RUSC1: variants seen among roughly 807,000 people sequenced by gnomAD.
RUSC1 encodes the protein AP-4 complex accessory subunit RUSC1.
RUSC1 carries 40 observed loss-of-function variants against 72.1 expected under a neutral mutation model. The observed-to-expected ratio is 0.55, with a 90% CI of 0.43 to 0.72. RUSC1 has a LOEUF of 0.72. RUSC1 is among the 30% of genes least tolerant of loss of function. The probability of loss-of-function intolerance (pLI) is 0.00; values close to 1 mark genes in which losing one functional copy is unlikely to be tolerated. For missense variants in RUSC1, 1,092 were observed against 1,172.3 expected (o/e 0.93, Z 1.00); for synonymous variants, 512 against 494.2 (o/e 1.04, Z -0.48).
At chr1:155,329,953 G>GAAAAAAA (rs1025418792) in intron 9 of RUSC1, among the ~76,000 whole-genome samples, 1 of 45,980 alleles carries the variant, frequency 2.2e-5, no homozygotes, top group South Asian at 8.4e-4. Context: ...TCTGTCTCAA[G>GAAAAAAA]AAAAAAAAAA....
chr1:155,325,875 T>G lies in RUSC1; in HGVS notation c.1826T>G (p.Leu609Trp). ...FILGLLNTKQ[L>W]ELWFSSLQED... ...CTTTTCTCCCCTAGCACCAAGCAGT[T>G]GGAGCTGTGGTTTTCCAGTCTCCAG... Residue 609 changes from leucine to tryptophan, a missense_variant, in exon 7 of 10, where the codon TTG becomes TGG. Leu to Trp is a moderately conservative substitution (Grantham distance 61). Transcript: ENST00000368352. This position sits in a 1 kb window ranked among gnomAD's most constrained non-coding sequence, Gnocchi z 6.5. The G allele has an allele frequency of 6.2e-7, 1 of 1,614,136 alleles. No individual in the cohort carries two copies. Among genetic ancestry groups the G allele is most frequent in the African/African-American group, 1.3e-5 (1 of 75,038 alleles).
intron 2 of RUSC1, chr1:155,324,441 G>T: frequency 6.2e-7 from 1 of 1,612,918 alleles, no homozygotes; most frequent in Non-Finnish European, 8.5e-7. Context: ...GCTCCCCGGG[G>T]CTCCGCAGGC....
chr1:155,321,495 G>T, intron 1 of RUSC1, 193 bp from the exon 2 acceptor site: 1 of 1,486,054 alleles, frequency 6.7e-7, no homozygotes, highest in East Asian at 2.8e-5. Flanking sequence ...CCATTCCCGG[G>T]GGGTTACATT....
At position 155,324,466 on chromosome 1, in the gene RUSC1, G is replaced by T; in HGVS notation, c.1358-379G>T. 1.9e-6 allele frequency: 3 copies of T among 1,611,730 alleles called. No individual in the cohort carries two copies. The South Asian group carries it at 3.3e-5, about 18-fold the overall frequency. On this transcript the variant is annotated intron_variant, in intron 2 of 9. Coordinates refer to ENST00000368352, the MANE Select transcript of RUSC1 (RefSeq NM_001105203.2). ...GCTCCGCAGGCAGGACTGGGCCCCG[G>T]GGCGGTGCGCTGGGCTACACCTCCC... is the stretch of plus-strand genomic sequence containing the variant.
chr1:155,325,057 T>G lies in RUSC1; in HGVS notation c.1457-45T>G. ...TCCACGCCCCTCGGGCAAGCCTGGG[T>G]AGGGGCGCGGCCTCCTAGCGTCTTC... is the stretch of plus-strand genomic sequence containing the variant. On this transcript the variant is annotated intron_variant, in intron 3 of 9. Transcript: ENST00000368352. The surrounding 1 kb of genome is among the most constrained non-coding windows in gnomAD (Gnocchi z 6.5). 1 of 1,613,922 alleles carries G rather than the reference T, an allele frequency of 6.2e-7. No homozygotes were observed. The highest frequency in any genetic ancestry group is 8.5e-7 in the Non-Finnish European group (1 of 1,179,932).
rs2148266282 is a variant in RUSC1, at chr1:155,323,086, A to G, written c.1313A>G (p.Glu438Gly). Reference protein sequence around the residue: ...GRAVSPAAGEEAPAAKEPGAQ... With the variant: ...GRAVSPAAGEGAPAAKEPGAQ... The stretch of plus-strand genomic sequence containing the variant: ...GCTGTCAGCCCAGCGGCTGGCGAGG[A>G]GGCCCCAGCCGCGAAGGAGCCGGGC... The change falls in exon 2 of 10, where the codon GAG (glutamate) becomes GGG (glycine). Residue 438 changes from glutamate (E) to glycine (G), a missense_variant. Coordinates refer to ENST00000368352, the MANE Select transcript of RUSC1 (RefSeq NM_001105203.2). The G allele has an allele frequency of 7.0e-7, 1 of 1,426,492 alleles. No homozygotes were observed. Among genetic ancestry groups the G allele is most frequent in the Non-Finnish European group, 9.1e-7 (1 of 1,094,388 alleles). The allele number at this position is 1,426,492 out of a possible 1,614,324, so 88.4% of individuals were successfully genotyped here.
rs771022265 is a variant in RUSC1 at position 155,321,019 on chromosome 1, G to A, written c.-87+28G>A. On this transcript the variant is annotated intron_variant, in intron 1 of 9. Coordinates refer to ENST00000368352, the MANE Select transcript of RUSC1 (RefSeq NM_001105203.2). The stretch of plus-strand genomic sequence containing the variant: ...GAGGAGGGCTCGGCCCATGGGTGTA[G>A]ACCGATGGACCTGGGCACGAGGGGC... 7 of 1,495,552 alleles carry A rather than the reference G, an allele frequency of 4.7e-6. No homozygotes were observed. The African/African-American group carries it at 6.9e-5, about 15-fold the overall frequency. 92.6% of individuals were successfully genotyped at this position (1,495,552 alleles called of 1,614,324 possible).
At position 155,325,243 on chromosome 1, in the gene RUSC1, G is replaced by C; in HGVS notation, c.1533+65G>C. On this transcript the variant is annotated intron_variant, in intron 4 of 9. Coordinates refer to ENST00000368352, the MANE Select transcript of RUSC1 (RefSeq NM_001105203.2). This position sits in a 1 kb window ranked among gnomAD's most constrained non-coding sequence, Gnocchi z 6.5. ...TAATGGAGCTCCGCGGGGGGTGCGG[G>C]AATGGTTGGCGGGAGGTGGCTGGGA... The C allele has an allele frequency of 6.2e-7, 1 of 1,612,064 alleles. No homozygotes were observed. Among genetic ancestry groups the C allele is most frequent in the Non-Finnish European group, 8.5e-7 (1 of 1,179,900 alleles).
intron 1 of RUSC1, 23 bp downstream of exon 1, chr1:155,321,014 G>A (rs749412035): frequency 6.7e-7 from 1 of 1,502,378 alleles, no homozygotes; most frequent in South Asian, 1.1e-5. Flanking sequence ...CGGCCCATGG[G>A]TGTAGACCGA....
At position 155,325,204 on chromosome 1, in the gene RUSC1, T is replaced by G. The variant is rs1400497962; in HGVS notation, c.1533+26T>G. ...GTGAAGGTGGCTGGGGGGAGGCTGT[T>G]GGGATGAGGAGAGTAATGGAGCTCC... On this transcript the variant is annotated intron_variant, in intron 4 of 9. Coordinates refer to ENST00000368352, the MANE Select transcript of RUSC1 (RefSeq NM_001105203.2). This position sits in a 1 kb window ranked among gnomAD's most constrained non-coding sequence, Gnocchi z 6.5. The G allele has an allele frequency of 4.3e-6, 7 of 1,613,794 alleles. No individual in the cohort carries two copies. Among genetic ancestry groups the G allele is most frequent in the Non-Finnish European group, 5.9e-6 (7 of 1,179,976 alleles).
At position 155,324,178 on chromosome 1, in the gene RUSC1, GC is replaced by G; in HGVS notation, c.1358-661del. 9.4e-6 allele frequency: 13 copies of G among 1,386,802 alleles called. No individual in the cohort carries two copies. In the South Asian group the frequency reaches 1.1e-4, roughly 11 times the overall value. 85.9% of individuals were successfully genotyped at this position (1,386,802 alleles called of 1,614,324 possible). A position where few individuals can be genotyped will look rare whatever the true frequency, so the allele number is the denominator to read the frequency against. ...TCCTTGGCCTGTGCAGCTCGGGCCT[GC>G]CCCCCGACCTTGCTAGGGAGGGGTG... On this transcript the variant is annotated intron_variant, in intron 2 of 9. Transcript: ENST00000368352.
Position 155,325,629 on chromosome 1 carries a change from A to C in RUSC1, c.1771A>C (p.Ser591Arg). The C allele has an allele frequency of 6.2e-7, 1 of 1,613,344 alleles. No homozygotes were observed. The highest frequency in any genetic ancestry group is 8.5e-7 in the Non-Finnish European group (1 of 1,179,968). Reference sequence around the variant, plus strand: ...GGTCAGCCGTCTAGCCCCGCTGAGCAGCAGCCGTAGCCGCTTCCATGCCTT... The same window carrying C: ...GGTCAGCCGTCTAGCCCCGCTGAGCCGCAGCCGTAGCCGCTTCCATGCCTT... ...SQVSRLAPLS[S>R]SRSRFHAFIL... is the part of the protein sequence containing the mutation. Residue 591 changes from serine (S) to arginine (R), a missense_variant, in exon 6 of 10, where the codon AGC becomes CGC. By Grantham distance (110) the Ser-to-Arg change is moderately radical. Coordinates refer to ENST00000368352, the MANE Select transcript of RUSC1 (RefSeq NM_001105203.2). The surrounding 1 kb of genome is among the most constrained non-coding windows in gnomAD (Gnocchi z 6.5).
chr1:155,324,889 C>G lies in RUSC1; in HGVS notation c.1402C>G (p.Leu468Val). 1 of 1,614,214 alleles carries G rather than the reference C, an allele frequency of 6.2e-7. No homozygotes were observed. Among genetic ancestry groups the G allele is most frequent in the Non-Finnish European group, 8.5e-7 (1 of 1,180,028 alleles). The change falls in exon 3 of 10, where the codon CTG becomes GTG. Residue 468 changes from leucine (L) to valine (V), a missense_variant. Transcript: ENST00000368352. Reference protein sequence around the residue: ...SFAGVPGAQRLWMAEAQSGTG... With the variant: ...SFAGVPGAQRVWMAEAQSGTG... ...CGCCGGTGTCCCCGGAGCCCAGCGGCTGTGGATGGCAGAAGCCCAGAGTGG... is the reference window on the plus strand; with the variant it reads ...CGCCGGTGTCCCCGGAGCCCAGCGGGTGTGGATGGCAGAAGCCCAGAGTGG...
Position 155,330,793 on chromosome 1 carries a change from G to C in RUSC1, c.*222G>C, listed in dbSNP as rs959103474. ...TATATAAAAAAGGAATTGCCCTCCA[G>C]GTAATCCCTTTCCTTTTTCCCGTCT... On this transcript the variant is annotated 3_prime_UTR_variant, in exon 10 of 10. Coordinates refer to ENST00000368352, the MANE Select transcript of RUSC1 (RefSeq NM_001105203.2). The C allele has an allele frequency of 1.0e-5, 5 of 476,888 alleles. No homozygotes were observed. The highest frequency in any genetic ancestry group is 1.8e-5 in the Non-Finnish European group (5 of 270,284). 29.5% of individuals were successfully genotyped at this position (476,888 alleles called of 1,614,324 possible).
chr1:155,325,882 G>A lies in RUSC1; in HGVS notation c.1833G>A (p.Leu611=), dbSNP rs535220346. Residue 611 remains leucine, a synonymous_variant, in exon 7 of 10, where the codon CTG becomes CTA. Coordinates refer to ENST00000368352, the MANE Select transcript of RUSC1 (RefSeq NM_001105203.2). The surrounding 1 kb of genome is among the most constrained non-coding windows in gnomAD (Gnocchi z 6.5). ...LGLLNTKQLE[L]WFSSLQEDAG... is the part of the protein sequence containing the mutation. ...CCCCTAGCACCAAGCAGTTGGAGCTGTGGTTTTCCAGTCTCCAGGAAGATG... is the reference window on the plus strand; with the variant it reads ...CCCCTAGCACCAAGCAGTTGGAGCTATGGTTTTCCAGTCTCCAGGAAGATG... 2 of 1,614,152 alleles carry A rather than the reference G, an allele frequency of 1.2e-6. No homozygotes were observed. Among genetic ancestry groups the A allele is most frequent in the East Asian group, 2.2e-5 (1 of 44,874 alleles).
chr1:155,324,650 C>A, intron 2 of RUSC1, 195 bp from the exon 3 acceptor site: 1 of 1,525,988 alleles, frequency 6.6e-7, no homozygotes, highest in Non-Finnish European at 8.8e-7. Flanking sequence ...ACAGCGAGTG[C>A]TGGGAAGTGT....
In RUSC1 at chr1:155,326,990, C is replaced by G; in HGVS notation, c.2272C>G (p.His758Asp). The G allele has an allele frequency of 6.2e-7, 1 of 1,613,640 alleles. No homozygotes were observed. The highest frequency in any genetic ancestry group is 8.5e-7 in the Non-Finnish European group (1 of 1,180,020). The change falls in exon 8 of 10, where the codon CAT (histidine) becomes GAT (aspartate). Residue 758 changes from histidine (H) to aspartate (D), a missense_variant. By Grantham distance (81) the His-to-Asp change is moderately conservative (BLOSUM62 -1). Coordinates refer to ENST00000368352, the MANE Select transcript of RUSC1 (RefSeq NM_001105203.2). The surrounding 1 kb of genome is among the most constrained non-coding windows in gnomAD (Gnocchi z 4.7). ...FPLSRWAPGR[H>D]GTAAEEGAQE... ...TCTTTCCCGATGGGCACCGGGGCGTCATGGGACTGCAGCTGAAGAAGGTGC... is the reference window on the plus strand; with the variant it reads ...TCTTTCCCGATGGGCACCGGGGCGTGATGGGACTGCAGCTGAAGAAGGTGC...
chr1:155,321,647 C>G, intron 1 of RUSC1, 41 bp from the exon 2 acceptor site: 2 of 1,363,080 alleles, frequency 1.5e-6, no homozygotes, highest in Non-Finnish European at 2.1e-6. Flanking sequence ...CCCCGCAGCT[C>G]TTGTCCTCAC....
At chr1:155,328,123 G>A (rs1198376211) in intron 8 of RUSC1, 27 bp from the exon 9 acceptor site, 4 of 1,606,556 alleles carry the variant, frequency 2.5e-6, no homozygotes, top group East Asian at 2.2e-5. Flanking sequence ...AGTGGGTTGA[G>A]CTGTGACCCT....
Sources: gnomAD v4.1 joint callset for allele counts (sites outside exome capture counted in the v4.1 genomes callset) on GRCh38, gnomAD v4.1.1 for gene constraint, Gnocchi (gnomAD v3.1) non-coding constraint, MANE v1.5 for transcripts, NCBI Gene and HGNC (gene_info 2026-07-23, HGNC 2026-07-21) for gene names.